The following SLC39A11 variants were observed in gnomAD, a reference collection of about 807,000 sequenced individuals.
The protein encoded by SLC39A11 is zinc transporter ZIP11.
SLC39A11 carries 33 observed loss-of-function variants against 36.1 expected under a neutral mutation model. The observed-to-expected ratio is 0.91, with a 90% confidence interval of 0.69 to 1.22. The LOEUF (loss-of-function observed/expected upper bound fraction) is 1.22, where lower values mean the gene tolerates loss of function less well. Among genes scored for constraint, SLC39A11 ranks in the 50% most tolerant of loss-of-function variants. The pLI is 0.00. For missense variants in SLC39A11, 432 were observed against 430.3 expected, an observed-to-expected ratio of 1.00 and a Z score of -0.03; for synonymous variants, 166 against 170.3, an observed-to-expected ratio of 0.97 and a Z score of 0.20.
intron 4 of SLC39A11, among the ~76,000 whole-genome samples, chr17:72,962,159 C>G (rs1306886883): frequency 2.6e-5 from 4 of 152,186 alleles, no homozygotes; most frequent in African/African-American, 9.7e-5. Flanking sequence ...TCTCTCTTTT[C>G]TAAGCCTAAA....
At chr17:72,724,058 C>T (rs967222556) in intron 7 of SLC39A11, among the ~76,000 whole-genome samples, 2 of 151,974 alleles carry the variant, frequency 1.3e-5, no homozygotes, top group Admixed American at 6.6e-5. Flanking sequence ...ATCAGTGGTG[C>T]TAACACGGGA....
chr17:72,947,327 A>T (rs2085495284), intron 5 of SLC39A11, among the ~76,000 whole-genome samples: 1 of 152,010 alleles, frequency 6.6e-6, no homozygotes, highest in Non-Finnish European at 1.5e-5. Flanking sequence ...GGGAAAAAAA[A>T]AATCCACAGC....
At chr17:72,923,170 G>GT (rs2032176179) in intron 5 of SLC39A11, among the ~76,000 whole-genome samples, 1 of 151,994 alleles carries the variant, frequency 6.6e-6, no homozygotes, top group South Asian at 2.1e-4. Flanking sequence ...CCCCTTTGCT[G>GT]TAAGACTTAT....
intron 5 of SLC39A11, among the ~76,000 whole-genome samples, chr17:72,933,490 T>C (rs1251594254): frequency 6.6e-6 from 1 of 152,194 alleles, no homozygotes; most frequent in Non-Finnish European, 1.5e-5. Context: ...AATTGGTTTA[T>C]GGATTCAGTG....
intron 6 of SLC39A11, among the ~76,000 whole-genome samples, chr17:72,822,684 T>C (rs1191589038): frequency 6.6e-6 from 1 of 151,082 alleles, no homozygotes; most frequent in Non-Finnish European, 1.5e-5. Flanking sequence ...ACAAAGGAAA[T>C]AAGTGGCAAA....
At chr17:72,710,926 A>T (rs759176831) in intron 7 of SLC39A11, among the ~76,000 whole-genome samples, 1 of 152,224 alleles carries the variant, frequency 6.6e-6, no homozygotes, top group African/African-American at 2.4e-5. Flanking sequence ...ATTTTAAACC[A>T]AATGGCCCAA....
At position 72,793,710 on chromosome 17, in the gene SLC39A11, G is replaced by A. The variant is rs543637838; in HGVS notation, c.601+55924C>T. On this transcript the variant is annotated intron_variant, in intron 6 of 9. Transcript: ENST00000255559. ...CTCCCAAAGTGTTGGGATTACAGGCGTGAGCTGCCACACCCAGTCTGGAAA... is the reference window on the plus strand; with the variant it reads ...CTCCCAAAGTGTTGGGATTACAGGCATGAGCTGCCACACCCAGTCTGGAAA... Among the ~76,000 whole-genome samples the A allele has an allele frequency of 1.1e-4, 17 of 152,242 alleles. 1 individual carries two copies. In the South Asian group the frequency reaches 2.9e-3, roughly 26 times the overall value.
intron 3 of SLC39A11, among the ~76,000 whole-genome samples, chr17:73,069,058 T>C (rs2144466717): frequency 6.6e-6 from 1 of 152,238 alleles, no homozygotes; most frequent in Admixed American, 6.5e-5. Flanking sequence ...CCAACAGCCC[T>C]GTATTTTCCA....
chr17:73,059,654 C>CAA (rs57518384), intron 3 of SLC39A11, among the ~76,000 whole-genome samples: 4 of 127,970 alleles, frequency 3.1e-5, no homozygotes, highest in African/African-American at 5.9e-5. Flanking sequence ...AAACTGTCTC[C>CAA]AAAAAAAAAA....
chr17:72,919,114 T>C (rs943077371), intron 5 of SLC39A11, among the ~76,000 whole-genome samples: 1 of 152,052 alleles, frequency 6.6e-6, no homozygotes, highest in South Asian at 2.1e-4. Context: ...AATTCGGACC[T>C]CCAAACCTGG....
chr17:72,915,254 G>A (rs1348076140), intron 5 of SLC39A11, among the ~76,000 whole-genome samples: 6 of 152,176 alleles, frequency 3.9e-5, no homozygotes, highest in South Asian at 2.1e-4. Context: ...TGCTCACACC[G>A]GGACACTATT....
rs113310676 is a variant in SLC39A11 at position 72,745,722 on chromosome 17, G to A, written c.602-9003C>T. ...TGGGCCTCTGGTTTAAGCACTCATAGTATCAGTTTTAGAAGTTATAGCCAG... is the reference window on the plus strand; with the variant it reads ...TGGGCCTCTGGTTTAAGCACTCATAATATCAGTTTTAGAAGTTATAGCCAG... On this transcript the variant is annotated intron_variant, in intron 6 of 9. Coordinates refer to ENST00000255559, the MANE Select transcript of SLC39A11 (RefSeq NM_139177.4). Among the ~76,000 whole-genome samples the A allele has an allele frequency of 1.1e-3, 173 of 152,350 alleles. 2 individuals carry two copies. Among genetic ancestry groups the A allele is most frequent in the Middle Eastern group, 6.8e-3 (2 of 294 alleles).
intron 3 of SLC39A11, among the ~76,000 whole-genome samples, chr17:73,035,130 T>C (rs1173707011): frequency 6.6e-6 from 1 of 151,544 alleles, no homozygotes; most frequent in East Asian, 1.9e-4. Flanking sequence ...AAAATTCTTT[T>C]TGTTTTTTGT....
intron 6 of SLC39A11, among the ~76,000 whole-genome samples, chr17:72,771,952 C>T (rs917779209): frequency 2.0e-5 from 3 of 152,186 alleles, no homozygotes; most frequent in African/African-American, 4.8e-5. Context: ...CTTTCCACCA[C>T]CAACCCTCCT....
At chr17:73,068,070 C>A (rs903351229) in intron 3 of SLC39A11, 3 of 1,513,010 alleles carry the variant, frequency 2.0e-6, no homozygotes, top group East Asian at 4.5e-5. Flanking sequence ...CGCTCTACTG[C>A]CCACTTCTTT....
intron 7 of SLC39A11, among the ~76,000 whole-genome samples, chr17:72,678,334 C>A (rs193158744): frequency 6.6e-6 from 1 of 152,188 alleles, no homozygotes; most frequent in Admixed American, 6.5e-5. Context: ...TCCCTGTGAA[C>A]AGCGAGAAGG....
chr17:72,660,770 T>A lies in SLC39A11; in HGVS notation c.672-11502A>T, dbSNP rs550544490. On this transcript the variant is annotated intron_variant, in intron 7 of 9. Coordinates refer to ENST00000255559, the MANE Select transcript of SLC39A11 (RefSeq NM_139177.4). ...ACTACTGACATTTCACACCGTGAGT[T>A]CCTTGTTGTGGGGGCCTGGTTCTGT... Among the ~76,000 whole-genome samples the A allele has an allele frequency of 3.9e-5, 6 of 152,266 alleles. No individual in the cohort carries two copies. The South Asian group carries it at 1.2e-3, about 32-fold the overall frequency.
chr17:72,667,140 G>C (rs1240924918), intron 7 of SLC39A11, among the ~76,000 whole-genome samples: 1 of 152,188 alleles, frequency 6.6e-6, no homozygotes, highest in Non-Finnish European at 1.5e-5. Flanking sequence ...CTTGGGGTTA[G>C]GGTCATTCTC....
intron 5 of SLC39A11, among the ~76,000 whole-genome samples, chr17:72,915,501 G>A (rs565510796): frequency 3.3e-5 from 5 of 152,294 alleles, no homozygotes; most frequent in South Asian, 2.1e-4. Flanking sequence ...GGCATGACAT[G>A]GCAGTGTGCC....
Sources: gnomAD v4.1 joint callset for allele counts (sites outside exome capture counted in the v4.1 genomes callset) on GRCh38, gnomAD v4.1.1 for gene constraint, MANE v1.5 for transcripts, NCBI Gene and HGNC (gene_info 2026-07-23, HGNC 2026-07-21) for gene names.